The following GHR variants were observed in gnomAD, a reference collection of about 807,000 sequenced individuals.
The protein encoded by GHR is growth hormone receptor.
In GHR, 35 loss-of-function variants were observed where a neutral mutation model predicts 67.1. That is an observed-to-expected ratio of 0.52 (90% CI 0.40 to 0.69). GHR has a LOEUF of 0.69. GHR is among the 30% of genes least tolerant of loss of function. GHR has a pLI of 0.00. For missense variants in GHR, 792 were observed against 764.6 expected (o/e 1.04, Z -0.42); for synonymous variants, 272 against 269.1 (o/e 1.01, Z -0.10).
At chr5:42,500,175 C>T (rs989455184) in intron 1 of GHR, among the ~76,000 whole-genome samples, 1 of 152,218 alleles carries the variant, frequency 6.6e-6, no homozygotes, top group Non-Finnish European at 1.5e-5. Flanking sequence ...GATTTCAGCC[C>T]TTACTCTCCT....
At chr5:42,505,474 A>G (rs184279075) in intron 1 of GHR, among the ~76,000 whole-genome samples, 321 of 152,202 alleles carry the variant, frequency 2.1e-3, no homozygotes, top group African/African-American at 7.5e-3. Flanking sequence ...AGGTAACATT[A>G]TATCTGTGCT....
chr5:42,432,754 G>A (rs1479534372), intron 1 of GHR, among the ~76,000 whole-genome samples: 2 of 152,142 alleles, frequency 1.3e-5, no homozygotes, highest in Admixed American at 1.3e-4. Context: ...AAATCAGAAA[G>A]ATTAAAGAAA....
At chr5:42,613,329 T>C (rs893358301) in intron 2 of GHR, among the ~76,000 whole-genome samples, 4 of 152,188 alleles carry the variant, frequency 2.6e-5, no homozygotes, top group Non-Finnish European at 4.4e-5. Flanking sequence ...TGTGTGTTTC[T>C]ATCTGCGCTC....
chr5:42,714,151 G>C (rs1758606316), intron 8 of GHR: 1 of 152,548 alleles, frequency 6.6e-6, no homozygotes, highest in Non-Finnish European at 1.5e-5. Context: ...CAGGTGATCT[G>C]CCCACCTCAG....
At chr5:42,485,653 G>A (rs564134864) in intron 1 of GHR, among the ~76,000 whole-genome samples, 5 of 152,120 alleles carry the variant, frequency 3.3e-5, no homozygotes, top group African/African-American at 9.6e-5. Context: ...TTTTCCTTAG[G>A]TTGACTTATT....
chr5:42,656,920 AAT>A (rs1418733213), intron 3 of GHR, among the ~76,000 whole-genome samples: 1 of 152,128 alleles, frequency 6.6e-6, no homozygotes, highest in Non-Finnish European at 1.5e-5. Flanking sequence ...TATGTAGTTG[AAT>A]ATCAGTACTC....
intron 1 of GHR, among the ~76,000 whole-genome samples, chr5:42,491,038 A>T (rs1017783299): frequency 2.0e-5 from 3 of 152,230 alleles, no homozygotes; most frequent in Non-Finnish European, 2.9e-5. Context: ...GGCCCAGCAA[A>T]TTCACTGGAT....
At chr5:42,671,075 G>T (rs923749184) in intron 3 of GHR, among the ~76,000 whole-genome samples, 1 of 151,908 alleles carries the variant, frequency 6.6e-6, no homozygotes, top group African/African-American at 2.4e-5. Context: ...AAGTTAATTT[G>T]CCATGATAAA....
intron 1 of GHR, among the ~76,000 whole-genome samples, chr5:42,481,383 G>A (rs531997578): frequency 2.6e-5 from 4 of 152,218 alleles, no homozygotes; most frequent in South Asian, 4.1e-4. Context: ...TGCTCTTCTC[G>A]AGGAGTATCT....
chr5:42,547,420 TC>T (rs2112400899), intron 1 of GHR, among the ~76,000 whole-genome samples: 1 of 152,298 alleles, frequency 6.6e-6, no homozygotes, highest in African/African-American at 2.4e-5. Flanking sequence ...TCATGATTGT[TC>T]TAACTGTGTG....
At chr5:42,635,542 G>C (rs1580097356) in intron 3 of GHR, among the ~76,000 whole-genome samples, 1 of 152,174 alleles carries the variant, frequency 6.6e-6, no homozygotes, top group Non-Finnish European at 1.5e-5. Context: ...GAAATACTCA[G>C]ATAATGACTG....
At chr5:42,706,086 T>C (rs1301139448) in intron 6 of GHR, among the ~76,000 whole-genome samples, 8 of 152,138 alleles carry the variant, frequency 5.3e-5, no homozygotes, top group Non-Finnish European at 8.8e-5. Flanking sequence ...TAATAGCCTT[T>C]CTGACTGCTG....
intron 1 of GHR, among the ~76,000 whole-genome samples, chr5:42,534,148 GTATGTATATA>G (rs1748112011): frequency 6.8e-6 from 1 of 147,054 alleles, no homozygotes; most frequent in African/African-American, 2.5e-5. Flanking sequence ...ATGTATATAT[GTATGTATATA>G]TATGTACATA....
chr5:42,433,945 G>A (rs972898906), intron 1 of GHR, among the ~76,000 whole-genome samples: 4 of 151,962 alleles, frequency 2.6e-5, no homozygotes, highest in Non-Finnish European at 5.9e-5. Context: ...TCATCCCTTG[G>A]GTAGGGCTAT....
chr5:42,522,766 G>C (rs1747532934), intron 1 of GHR, among the ~76,000 whole-genome samples: 1 of 152,098 alleles, frequency 6.6e-6, no homozygotes, highest in African/African-American at 2.4e-5. Flanking sequence ...TGAATTCCAA[G>C]ATTATTTTTC....
chr5:42,705,593 T>G (rs1758139043), intron 6 of GHR, among the ~76,000 whole-genome samples: 1 of 151,982 alleles, frequency 6.6e-6, no homozygotes, highest in South Asian at 2.1e-4. Context: ...ATCTGTGGTT[T>G]CAGTCTTCGT....
intron 2 of GHR, among the ~76,000 whole-genome samples, chr5:42,599,962 A>G (rs1162170232): frequency 3.9e-5 from 6 of 152,180 alleles, no homozygotes; most frequent in African/African-American, 1.4e-4. Flanking sequence ...TAAAAGATTA[A>G]ATAACAGTTA....
At chr5:42,464,860 C>T (rs1358154989) in intron 1 of GHR, among the ~76,000 whole-genome samples, 1 of 152,164 alleles carries the variant, frequency 6.6e-6, no homozygotes, top group Non-Finnish European at 1.5e-5. Flanking sequence ...ATGTGACCCT[C>T]TTTCCAGGTT....
At chr5:42,465,318 T>A in intron 1 of GHR, 1 of 721,548 alleles carries the variant, frequency 1.4e-6, no homozygotes, top group Non-Finnish European at 2.4e-6. Flanking sequence ...TTTTTTTGCA[T>A]GAAAATAAAT....
Sources: gnomAD v4.1 joint callset for allele counts (sites outside exome capture counted in the v4.1 genomes callset) on GRCh38, gnomAD v4.1.1 for gene constraint, MANE v1.5 for transcripts, NCBI Gene and HGNC (gene_info 2026-07-23, HGNC 2026-07-21) for gene names.